Variants in ANGPT2 observed in about 807,000 individuals in gnomAD.
The protein encoded by ANGPT2 is angiopoietin-2.
In ANGPT2, 28 loss-of-function variants were observed where a neutral mutation model predicts 62.9. The ratio of observed to expected loss-of-function variants is 0.44; its 90% CI spans 0.33 to 0.61. ANGPT2 has a LOEUF of 0.61. Ranked by LOEUF, ANGPT2 falls within the 20% of genes least tolerant of loss-of-function variation. The probability of loss-of-function intolerance (pLI) is 0.03; values close to 1 mark genes in which losing one functional copy is unlikely to be tolerated. For synonymous variants in ANGPT2, 284 were observed against 207.8 expected (o/e 1.37, Z -3.15); for missense variants, 727 against 594.9 (o/e 1.22, Z -2.31).
chr8:6,505,205 T>C (rs1476396897), intron 8 of ANGPT2, among the ~76,000 whole-genome samples: 1 of 110,698 alleles, frequency 9.0e-6, no homozygotes, highest in African/African-American at 3.7e-5. Context: ...TATGTATATA[T>C]AGAATATATA....
intron 7 of ANGPT2, among the ~76,000 whole-genome samples, chr8:6,509,984 C>G (rs1057206534): frequency 3.3e-5 from 5 of 152,128 alleles, no homozygotes; most frequent in Non-Finnish European, 5.9e-5. Flanking sequence ...ATTTAAATCC[C>G]AAAGTGTAGT....
intron 8 of ANGPT2, among the ~76,000 whole-genome samples, chr8:6,504,243 G>A (rs961264084): frequency 6.6e-6 from 1 of 150,616 alleles, no homozygotes; most frequent in East Asian, 2.0e-4. Flanking sequence ...GCGTGAACCC[G>A]GGAGGCGGAG....
intron 6 of ANGPT2, among the ~76,000 whole-genome samples, chr8:6,514,253 G>A (rs146078856): frequency 3.9e-5 from 6 of 152,154 alleles, no homozygotes; most frequent in Admixed American, 2.6e-4. Context: ...GCAGTGGTGT[G>A]ATCTTGGCTG....
intron 1 of ANGPT2, among the ~76,000 whole-genome samples, chr8:6,534,408 C>T (rs1820131297): frequency 6.6e-6 from 1 of 152,068 alleles, no homozygotes; most frequent in Non-Finnish European, 1.5e-5. Flanking sequence ...TTTTGGTATT[C>T]TCGGGAATCT....
chr8:6,562,287 C>G (rs766236092), intron 1 of ANGPT2, among the ~76,000 whole-genome samples: 14 of 152,116 alleles, frequency 9.2e-5, no homozygotes, highest in African/African-American at 1.2e-4. Flanking sequence ...AGCTGAGAGC[C>G]TCCCTGGTGA....
chr8:6,519,749 T>C (rs1435265697), intron 5 of ANGPT2, 115 bp downstream of exon 5: 16 of 1,360,150 alleles, frequency 1.2e-5, no homozygotes, highest in Non-Finnish European at 1.6e-5. Flanking sequence ...TATGGCTTTG[T>C]ACTGTGTGAG....
intron 5 of ANGPT2, 84 bp from the exon 6 acceptor site, chr8:6,514,862 G>C (rs1815941732): frequency 1.7e-6 from 2 of 1,199,982 alleles, no homozygotes; most frequent in African/African-American, 3.0e-5. Context: ...TGTAGACCCT[G>C]AGTGCAGGAC....
chr8:6,554,489 A>G (rs1824240632), intron 1 of ANGPT2, among the ~76,000 whole-genome samples: 1 of 152,148 alleles, frequency 6.6e-6, no homozygotes, highest in Non-Finnish European at 1.5e-5. Context: ...TTAGTATCTC[A>G]TCTCTTTAAA....
chr8:6,549,086 G>T (rs1242361544), intron 1 of ANGPT2, among the ~76,000 whole-genome samples: 2 of 152,162 alleles, frequency 1.3e-5, no homozygotes, highest in East Asian at 1.9e-4. Flanking sequence ...GTTAGTCTTG[G>T]AACTCAGTCA....
chr8:6,554,369 C>T (rs1319215904), intron 1 of ANGPT2, among the ~76,000 whole-genome samples: 1 of 151,812 alleles, frequency 6.6e-6, no homozygotes, highest in East Asian at 1.9e-4. Flanking sequence ...CACGTTCTCG[C>T]CCCCAAAAGC....
rs3929194 is a variant in ANGPT2, at chr8:6,499,851, G to A, written c.*3250C>T. The A allele has an allele frequency of 6.2e-7, 1 of 1,612,868 alleles. No homozygotes were observed. Among genetic ancestry groups the A allele is most frequent in the Non-Finnish European group, 8.5e-7 (1 of 1,179,788 alleles). On this transcript the variant is annotated 3_prime_UTR_variant, in exon 9 of 9. Transcript: ENST00000629816. ...AAATCTGCTTGTTGTGTCACTTGCA[G>A]GTGCTATGGTCTTTAGAATTGGGTC...
intron 5 of ANGPT2, among the ~76,000 whole-genome samples, chr8:6,516,410 G>A (rs967136856): frequency 6.6e-6 from 1 of 152,136 alleles, no homozygotes. Context: ...TGATATATAG[G>A]ATTTGAATAA....
At position 6,527,677 on chromosome 8, in the gene ANGPT2, C is replaced by G. The variant is rs1212828716; in HGVS notation, c.445-1G>C. 6.2e-7 allele frequency: 1 copy of G among 1,600,096 alleles called. No individual in the cohort carries two copies. The highest frequency in any genetic ancestry group is 8.5e-7 in the Non-Finnish European group (1 of 1,175,778). ...CAAGTCTCGTGGTCTGATTTAATACCTAAATGTAACAAAATGAAGTTCCTA... is the reference window on the plus strand; with the variant it reads ...CAAGTCTCGTGGTCTGATTTAATACGTAAATGTAACAAAATGAAGTTCCTA... On this transcript the variant is annotated splice_acceptor_variant, in intron 2 of 8. Transcript: ENST00000629816. LOFTEE classifies it high-confidence loss of function.
chr8:6,527,725 A>G (rs1446171498), intron 2 of ANGPT2, 49 bp from the exon 3 acceptor site: 1 of 1,493,990 alleles, frequency 6.7e-7, no homozygotes, highest in African/African-American at 1.4e-5. Flanking sequence ...TAATTAGTTT[A>G]ACTTTCTAAC....
At chr8:6,532,757 G>C (rs114206264) in intron 1 of ANGPT2, among the ~76,000 whole-genome samples, 2,986 of 152,240 alleles carry the variant, frequency 0.02, 102 homozygotes, top group African/African-American at 0.068. Flanking sequence ...TCTTCTAGAA[G>C]TCCATGTCAT....
In ANGPT2 at chr8:6,513,767, C is replaced by T. The variant is rs749079158; in HGVS notation, c.1107G>A (p.Val369=). The part of the protein sequence containing the change: ...VSQLTNQQRY[V]LKIHLKDWEG... ...CCCAGTCTTTAAGGTGTATTTTAAG[C>T]ACATAGCGTTGCTGATTAGTCAGTT... Residue 369 remains valine (V), a synonymous_variant, in exon 7 of 9, where the codon GTG becomes GTA. Coordinates refer to ENST00000629816, the MANE Select transcript of ANGPT2 (RefSeq NM_001118887.2). 3 of 1,614,002 alleles carry T rather than the reference C, an allele frequency of 1.9e-6. No individual in the cohort carries two copies. The highest frequency in any genetic ancestry group is 4.5e-5 in the East Asian group (2 of 44,876).
intron 1 of ANGPT2, among the ~76,000 whole-genome samples, chr8:6,542,218 A>G (rs537364423): frequency 4.6e-5 from 7 of 152,202 alleles, no homozygotes; most frequent in Non-Finnish European, 7.3e-5. Context: ...GTGTTTTTCT[A>G]TGCCAAATAG....
rs540853780 is a variant in ANGPT2, at chr8:6,530,487, C to T, written c.444+1845G>A. On this transcript the variant is annotated intron_variant, in intron 2 of 8. Coordinates refer to ENST00000629816, the MANE Select transcript of ANGPT2 (RefSeq NM_001118887.2). Reference sequence around the variant, plus strand: ...TCACACCACTGCACTCCAACCTGGGCAATGCAGTGAGACTCTGTCTCAAAA... The same window carrying T: ...TCACACCACTGCACTCCAACCTGGGTAATGCAGTGAGACTCTGTCTCAAAA... Among the ~76,000 whole-genome samples, 35 of 120,914 alleles carry T rather than the reference C, an allele frequency of 2.9e-4. No homozygotes were observed. In the South Asian group the frequency reaches 8.9e-3, roughly 31 times the overall value. The allele number at this position is 120,914 out of a possible 152,430, so 79.3% of individuals were successfully genotyped here. A position where few individuals can be genotyped will look rare whatever the true frequency, so the allele number is the denominator to read the frequency against.
intron 8 of ANGPT2, 123 bp downstream of exon 8, chr8:6,508,809 G>T (rs1044786263): frequency 1.5e-6 from 2 of 1,325,462 alleles, no homozygotes; most frequent in African/African-American, 1.5e-5. Context: ...TCAAGCTAGT[G>T]TGTCTACGTA....
Sources: gnomAD v4.1 joint callset for allele counts (sites outside exome capture counted in the v4.1 genomes callset) on GRCh38, gnomAD v4.1.1 for gene constraint, MANE v1.5 for transcripts, NCBI Gene and HGNC (gene_info 2026-07-23, HGNC 2026-07-21) for gene names.